Variants in FERMT2 observed in about 807,000 individuals in gnomAD.
FERMT2 encodes fermitin family homolog 2.
A neutral mutation model predicts 82.7 loss-of-function variants in FERMT2; 15 were observed. The ratio of observed to expected loss-of-function variants is 0.18; its 90% confidence interval spans 0.12 to 0.28. The LOEUF is 0.28. Ranked by LOEUF, FERMT2 falls within the 10% of genes least tolerant of loss-of-function variation. The pLI, the probability that FERMT2 is intolerant of heterozygous loss-of-function variation, is 1.00. For missense variants in FERMT2, 645 were observed against 809.4 expected (o/e 0.80, Z 2.46); for synonymous variants, 274 against 271.5 (o/e 1.01, Z -0.09).
chr14:52,858,496 C>A lies in FERMT2; in HGVS notation c.1924G>T (p.Asp642Tyr). The change falls in exon 15 of 15, where the codon GAT becomes TAT. Residue 642 changes from aspartate (D) to tyrosine (Y), a missense_variant. Physicochemically the swap from Asp to Tyr is radical, Grantham distance 160. Transcript: ENST00000341590. Reference sequence around the variant, plus strand: ...ATGAATTCATGAACCACTTTGCAATCTACTTCAGTACAAATGAAGGACAAT... The same window carrying A: ...ATGAATTCATGAACCACTTTGCAATATACTTCAGTACAAATGAAGGACAAT... ...VRLSFICTEV[D>Y]CKVVHEFIGG... 6.2e-7 allele frequency: 1 copy of A among 1,614,140 alleles called. No homozygotes were observed. Among genetic ancestry groups the A allele is most frequent in the African/African-American group, 1.3e-5 (1 of 75,044 alleles).
intron 2 of FERMT2, among the ~76,000 whole-genome samples, chr14:52,940,110 C>A (rs1890024314): frequency 6.6e-6 from 1 of 152,160 alleles, no homozygotes; most frequent in Non-Finnish European, 1.5e-5. Context: ...AGACTCCCTT[C>A]CGATTCTAAA....
chr14:52,860,634 A>G (rs1354881767), intron 12 of FERMT2, 169 bp from the exon 13 acceptor site: 1 of 623,002 alleles, frequency 1.6e-6, no homozygotes, highest in Non-Finnish European at 2.7e-6. Flanking sequence ...AATGTAATGT[A>G]TAAGGATTTT....
chr14:52,894,638 G>A (rs1887148196), intron 3 of FERMT2, among the ~76,000 whole-genome samples: 1 of 152,030 alleles, frequency 6.6e-6, no homozygotes, highest in Admixed American at 6.6e-5. Flanking sequence ...AGAATTTTTT[G>A]ACAAAGGTAC....
At position 52,875,008 on chromosome 14, in the gene FERMT2, G is replaced by A. The variant is rs572634530; in HGVS notation, c.1098+215C>T. On this transcript the variant is annotated intron_variant, in intron 8 of 14. Transcript: ENST00000341590. ...GTTTGAGAATGCAGTGACCTATGAC[G>A]TGTGCCACTGCACTCCAGCCTGGGC... is the stretch of plus-strand genomic sequence containing the variant. Among the ~76,000 whole-genome samples, 20 of 152,148 alleles carry A rather than the reference G, an allele frequency of 1.3e-4. No individual in the cohort carries two copies. In the South Asian group the frequency reaches 3.1e-3, roughly 24 times the overall value.
At chr14:52,908,811 G>C (rs1341523865) in intron 3 of FERMT2, among the ~76,000 whole-genome samples, 1 of 152,030 alleles carries the variant, frequency 6.6e-6, no homozygotes, top group Non-Finnish European at 1.5e-5. Context: ...AAAGGACATG[G>C]CTTATAAGAC....
chr14:52,910,312 T>A (rs559186865), intron 3 of FERMT2, among the ~76,000 whole-genome samples: 1 of 152,194 alleles, frequency 6.6e-6, no homozygotes, highest in Non-Finnish European at 1.5e-5. Context: ...TGAATTAGCA[T>A]GTATCTAAAG....
At chr14:52,937,319 A>T (rs1227058797) in intron 2 of FERMT2, among the ~76,000 whole-genome samples, 3 of 152,208 alleles carry the variant, frequency 2.0e-5, no homozygotes, top group Non-Finnish European at 4.4e-5. Context: ...TATTAAGTGG[A>T]TAAGTTAAGG....
At chr14:52,943,099 T>C (rs1890169927) in intron 2 of FERMT2, among the ~76,000 whole-genome samples, 3 of 149,302 alleles carry the variant, frequency 2.0e-5, no homozygotes. Flanking sequence ...TCCCAGCTAC[T>C]TGGGAGGCTG....
intron 2 of FERMT2, among the ~76,000 whole-genome samples, chr14:52,923,221 A>G (rs1161217286): frequency 6.6e-6 from 1 of 152,046 alleles, no homozygotes; most frequent in Non-Finnish European, 1.5e-5. Context: ...GGGAATCCAA[A>G]GAACAGTATT....
rs1278984431 is a variant in FERMT2 at position 52,861,858 on chromosome 14, G to C, written c.1603-1393C>G. 5.3e-5 allele frequency: 8 copies of C among 152,230 alleles called. No individual in the cohort carries two copies. In the East Asian group the frequency reaches 1.5e-3, roughly 29 times the overall value. 9.4% of individuals were successfully genotyped at this position (152,230 alleles called of 1,614,324 possible). A position where few individuals can be genotyped will look rare whatever the true frequency, so the allele number is the denominator to read the frequency against. On this transcript the variant is annotated intron_variant, in intron 12 of 14. Coordinates refer to ENST00000341590, the MANE Select transcript of FERMT2 (RefSeq NM_006832.3). ...TTTGATAGACCCAAAAGAAAACTACGAGTCTATGCCCAGGTAGGGAAGAAT... is the reference window on the plus strand; with the variant it reads ...TTTGATAGACCCAAAAGAAAACTACCAGTCTATGCCCAGGTAGGGAAGAAT...
At chr14:52,937,005 CA>C (rs1337692231) in intron 2 of FERMT2, among the ~76,000 whole-genome samples, 1 of 151,258 alleles carries the variant, frequency 6.6e-6, no homozygotes, top group Non-Finnish European at 1.5e-5. Flanking sequence ...AAAAAAAATA[CA>C]AAAAAATTAG....
chr14:52,871,015 A>G (rs1020230293), intron 10 of FERMT2, among the ~76,000 whole-genome samples: 2 of 152,180 alleles, frequency 1.3e-5, no homozygotes, highest in African/African-American at 4.8e-5. Context: ...CAAAGAAGAG[A>G]TGGGCTGGGC....
chr14:52,914,853 G>A (rs1329612676), intron 3 of FERMT2, among the ~76,000 whole-genome samples: 1 of 152,128 alleles, frequency 6.6e-6, no homozygotes, highest in Non-Finnish European at 1.5e-5. Context: ...CCAGGAGGTG[G>A]AGGTTGCAGT....
intron 2 of FERMT2, among the ~76,000 whole-genome samples, chr14:52,944,311 T>C (rs1194896025): frequency 1.3e-5 from 2 of 152,242 alleles, no homozygotes; most frequent in South Asian, 2.1e-4. Context: ...ATAATGTTAA[T>C]GTATTTCACT....
chr14:52,901,280 C>CAGA (rs1555370065), intron 3 of FERMT2, among the ~76,000 whole-genome samples: 3 of 57,258 alleles, frequency 5.2e-5, no homozygotes, highest in African/African-American at 2.3e-4. Flanking sequence ...GACTCTGTCT[C>CAGA]AAAAAAAAAA....
intron 3 of FERMT2, among the ~76,000 whole-genome samples, chr14:52,893,780 T>C (rs1465783823): frequency 6.6e-6 from 1 of 151,960 alleles, no homozygotes; most frequent in South Asian, 2.1e-4. Flanking sequence ...GTACACGTGA[T>C]AAATGAAGTA....
intron 2 of FERMT2, among the ~76,000 whole-genome samples, chr14:52,950,107 T>C (rs1291528217): frequency 6.6e-6 from 1 of 152,192 alleles, no homozygotes; most frequent in Admixed American, 6.5e-5. Flanking sequence ...TATCGTTCTG[T>C]CAGTAAATGT....
At chr14:52,938,712 A>G (rs962879580) in intron 2 of FERMT2, among the ~76,000 whole-genome samples, 1 of 152,124 alleles carries the variant, frequency 6.6e-6, no homozygotes, top group African/African-American at 2.4e-5. Context: ...GACCATAGGC[A>G]TGAACCACCA....
chr14:52,947,817 C>G (rs1334141252), intron 2 of FERMT2, among the ~76,000 whole-genome samples: 1 of 152,158 alleles, frequency 6.6e-6, no homozygotes, highest in Non-Finnish European at 1.5e-5. Flanking sequence ...CTAGAAACTT[C>G]CACATGTGCA....
Sources: gnomAD v4.1 joint callset for allele counts (sites outside exome capture counted in the v4.1 genomes callset) on GRCh38, gnomAD v4.1.1 for gene constraint, MANE v1.5 for transcripts, NCBI Gene and HGNC (gene_info 2026-07-23, HGNC 2026-07-21) for gene names.